Variants in CCSER2 observed in about 807,000 individuals in gnomAD.
CCSER2 encodes coiled-coil serine rich protein 2.
Under a neutral mutation model 92.3 loss-of-function variants are expected in CCSER2, and 46 were observed. The ratio of observed to expected loss-of-function variants is 0.50; its 90% CI spans 0.39 to 0.64. The LOEUF is 0.64. Among genes scored for constraint, CCSER2 ranks in the 30% least tolerant of loss-of-function variants. The pLI is 0.00. For synonymous variants in CCSER2, 433 were observed against 431.4 expected, an observed-to-expected ratio of 1.00 and a Z score of -0.04; for missense variants, 1,244 against 1,238.9, an observed-to-expected ratio of 1.00 and a Z score of -0.06.
intron 3 of CCSER2, among the ~76,000 whole-genome samples, chr10:84,412,835 C>G (rs1355585225): frequency 6.6e-6 from 1 of 152,166 alleles, no homozygotes; most frequent in Non-Finnish European, 1.5e-5. Context: ...TAAGCCCTGC[C>G]TCAGCTTCTC....
At chr10:84,367,555 T>C (rs1845841115) in intron 1 of CCSER2, among the ~76,000 whole-genome samples, 1 of 152,100 alleles carries the variant, frequency 6.6e-6, no homozygotes, top group South Asian at 2.1e-4. Context: ...TCTTGTATTT[T>C]TTTTGTAGAG....
chr10:84,449,119 A>T (rs1283726171), intron 6 of CCSER2, among the ~76,000 whole-genome samples: 3 of 152,242 alleles, frequency 2.0e-5, no homozygotes, highest in African/African-American at 7.2e-5. Flanking sequence ...CCATGCCTGT[A>T]ATCCCAGCAA....
At chr10:84,508,546 G>A (rs756779599) in intron 9 of CCSER2, among the ~76,000 whole-genome samples, 1 of 152,134 alleles carries the variant, frequency 6.6e-6, no homozygotes, top group Non-Finnish European at 1.5e-5. Context: ...TAAAAGCTAA[G>A]TGACTCAGTA....
intron 6 of CCSER2, among the ~76,000 whole-genome samples, chr10:84,457,237 T>A (rs1375304211): frequency 1.6e-5 from 1 of 63,850 alleles, no homozygotes; most frequent in Admixed American, 3.4e-4. Flanking sequence ...TATAAATATA[T>A]TATATATTAT....
intron 9 of CCSER2, among the ~76,000 whole-genome samples, chr10:84,504,889 A>G (rs916530033): frequency 1.3e-5 from 2 of 152,198 alleles, no homozygotes; most frequent in Admixed American, 1.3e-4. Context: ...GGGTAAGTGA[A>G]CAAACCATAA....
intron 3 of CCSER2, among the ~76,000 whole-genome samples, chr10:84,380,806 T>G (rs1010138343): frequency 6.6e-6 from 1 of 151,996 alleles, no homozygotes; most frequent in Non-Finnish European, 1.5e-5. Flanking sequence ...GCCATTCTCC[T>G]GTCTCAGCCT....
At chr10:84,504,977 A>AT (rs1374609417) in intron 9 of CCSER2, among the ~76,000 whole-genome samples, 2 of 152,124 alleles carry the variant, frequency 1.3e-5, no homozygotes, top group African/African-American at 4.8e-5. Context: ...CAAAATGTAC[A>AT]TTTGTCCTAT....
chr10:84,330,572 G>A (rs561695477), intron 1 of CCSER2, among the ~76,000 whole-genome samples: 4 of 152,260 alleles, frequency 2.6e-5, no homozygotes, highest in South Asian at 2.1e-4. Flanking sequence ...GAGTGCAATG[G>A]CCTCATCTCG....
chr10:84,422,798 T>C lies in CCSER2; in HGVS notation c.1706-2933T>C, dbSNP rs61865053. ...GGTCAGGGGCGGTGGCTCACGCATGTAATTCCAGCACTTGGGAGGCCAAGG... is the reference window on the plus strand; with the variant it reads ...GGTCAGGGGCGGTGGCTCACGCATGCAATTCCAGCACTTGGGAGGCCAAGG... On this transcript the variant is annotated intron_variant, in intron 4 of 9. Transcript: ENST00000372088. 3.9e-3 allele frequency among the ~76,000 whole-genome samples: 597 copies of C among 152,304 alleles called. 3 individuals are homozygous for C. The highest frequency in any genetic ancestry group is 6.1e-3 in the Non-Finnish European group (413 of 68,010).
At chr10:84,341,146 T>C (rs976173742) in intron 1 of CCSER2, among the ~76,000 whole-genome samples, 2 of 150,232 alleles carry the variant, frequency 1.3e-5, no homozygotes, top group Non-Finnish European at 3.0e-5. Context: ...ACTCAAGTGA[T>C]GTGCCCTCCC....
chr10:84,338,760 A>C (rs1843993701), intron 1 of CCSER2, among the ~76,000 whole-genome samples: 1 of 152,094 alleles, frequency 6.6e-6, no homozygotes, highest in Admixed American at 6.5e-5. Flanking sequence ...TTTTTTCCTA[A>C]TGTACCTGAT....
chr10:84,427,079 A>G (rs1327954111), intron 5 of CCSER2, among the ~76,000 whole-genome samples: 2 of 151,884 alleles, frequency 1.3e-5, no homozygotes, highest in Non-Finnish European at 2.9e-5. Context: ...TCCAAAACAT[A>G]TGATCACAAA....
chr10:84,331,347 G>A (rs1423770191), intron 1 of CCSER2, among the ~76,000 whole-genome samples: 10 of 152,132 alleles, frequency 6.6e-5, no homozygotes. Flanking sequence ...AACCCTTGTG[G>A]CTGAGAAACA....
rs560226116 is a variant in CCSER2, at chr10:84,390,149, G to A, written c.1614+16334G>A. Among the ~76,000 whole-genome samples, 3 of 152,204 alleles carry A rather than the reference G, an allele frequency of 2.0e-5. No homozygotes were observed. In the East Asian group the frequency reaches 5.8e-4, roughly 29 times the overall value. On this transcript the variant is annotated intron_variant, in intron 3 of 9. Coordinates refer to ENST00000372088, the MANE Select transcript of CCSER2 (RefSeq NM_001284240.2). Reference sequence around the variant, plus strand: ...ATTATTTATATATTTTGAAAACCGTGAATTCAAACTAATACCACCAATTCC... The same window carrying A: ...ATTATTTATATATTTTGAAAACCGTAAATTCAAACTAATACCACCAATTCC...
chr10:84,406,782 CT>C (rs1487109379), intron 3 of CCSER2, among the ~76,000 whole-genome samples: 1 of 152,214 alleles, frequency 6.6e-6, no homozygotes, highest in Non-Finnish European at 1.5e-5. Flanking sequence ...AATAGAAACT[CT>C]TTCCCACATT....
In CCSER2 at chr10:84,517,661, A is replaced by G. The variant is rs1395042298; in HGVS notation, c.*3394A>G. On this transcript the variant is annotated 3_prime_UTR_variant, in exon 10 of 10. Coordinates refer to ENST00000372088, the MANE Select transcript of CCSER2 (RefSeq NM_001284240.2). ...TCAGTACAGCTGTTCACAGAAATAT[A>G]TTCCCAGCATGTCACTTTTCCATTA... 1 of 152,630 alleles carries G rather than the reference A, an allele frequency of 6.6e-6. No homozygotes were observed. The highest frequency in any genetic ancestry group is 1.5e-5 in the Non-Finnish European group (1 of 68,042). 9.5% of individuals were successfully genotyped at this position (152,630 alleles called of 1,614,324 possible).
chr10:84,437,714 T>G (rs1844262767), intron 5 of CCSER2, among the ~76,000 whole-genome samples: 1 of 147,730 alleles, frequency 6.8e-6, no homozygotes, highest in Non-Finnish European at 1.5e-5. Flanking sequence ...AGAGTAGTTT[T>G]TTTTTTTTTT....
chr10:84,339,663 C>T (rs918865369), intron 1 of CCSER2, among the ~76,000 whole-genome samples: 8 of 149,768 alleles, frequency 5.3e-5, no homozygotes, highest in East Asian at 2.0e-4. Flanking sequence ...TTAGTAGAGA[C>T]GAGGTTTCTC....
intron 3 of CCSER2, among the ~76,000 whole-genome samples, chr10:84,409,682 A>G (rs568197740): frequency 8.1e-4 from 123 of 152,144 alleles, no homozygotes; most frequent in South Asian, 5.4e-3. Context: ...GAGTTAATGT[A>G]TATGTTTGTT....
Sources: gnomAD v4.1 joint callset for allele counts (sites outside exome capture counted in the v4.1 genomes callset) on GRCh38, gnomAD v4.1.1 for gene constraint, MANE v1.5 for transcripts, NCBI Gene and HGNC (gene_info 2026-07-23, HGNC 2026-07-21) for gene names.